Variants in CLDN12 observed in about 807,000 individuals in gnomAD.
CLDN12 encodes the protein claudin-12.
A neutral mutation model predicts 15.5 loss-of-function variants in CLDN12; 9 were observed. The observed-to-expected ratio is 0.58, with a 90% CI of 0.35 to 1.02. CLDN12 has a LOEUF of 1.02. CLDN12 is among the 50% of genes least tolerant of loss of function. The probability of loss-of-function intolerance (pLI) is 0.02; values close to 1 mark genes in which losing one functional copy is unlikely to be tolerated. For missense variants in CLDN12, 233 were observed against 297.3 expected (o/e 0.78, Z 1.59); for synonymous variants, 140 against 121.6 (o/e 1.15, Z -1.00).
chr7:90,415,825 C>CA lies in CLDN12; in HGVS notation c.*2417dup, dbSNP rs1451611393. The CA allele has an allele frequency of 1.8e-5, 3 of 167,134 alleles. No individual in the cohort carries two copies. The highest frequency in any genetic ancestry group is 7.2e-5 in the African/African-American group (3 of 41,574). 10.4% of individuals were successfully genotyped at this position (167,134 alleles called of 1,614,324 possible). On this transcript the variant is annotated 3_prime_UTR_variant, in exon 4 of 4. Transcript: ENST00000496677. The stretch of plus-strand genomic sequence containing the variant: ...GTTTATCCAGCCATGGGAGAGAAAA[C>CA]AAACCTAAGTTTACTTTACTTGTAC...
chr7:90,415,444 T>C lies in CLDN12; in HGVS notation c.*2033T>C, dbSNP rs2115909510. Reference sequence around the variant, plus strand: ...AAAGGTAGACTCAGTCTTTAAGATATTAGACAGTTTTTTTAGTCCATGGGA... The same window carrying C: ...AAAGGTAGACTCAGTCTTTAAGATACTAGACAGTTTTTTTAGTCCATGGGA... On this transcript the variant is annotated 3_prime_UTR_variant, in exon 4 of 4. Transcript: ENST00000496677. The C allele has an allele frequency of 6.0e-6, 1 of 167,016 alleles. No individual in the cohort carries two copies. Among genetic ancestry groups the C allele is most frequent in the South Asian group, 2.1e-4 (1 of 4,830 alleles). The allele number at this position is 167,016 out of a possible 1,614,324, so 10.3% of individuals were successfully genotyped here. A position where few individuals can be genotyped will look rare whatever the true frequency, so the allele number is the denominator to read the frequency against.
intron 2 of CLDN12, chr7:90,408,954 G>A (rs1257339885): frequency 6.6e-6 from 1 of 151,826 alleles, no homozygotes; most frequent in Admixed American, 6.6e-5. Context: ...TAGAGATGGG[G>A]TCTCGCTATG....
rs1248400932 is a variant in CLDN12 at position 90,405,520 on chromosome 7, C to T, written c.-165C>T. On this transcript the variant is annotated splice_region_variant and 5_prime_UTR_variant, in exon 2 of 4. Coordinates refer to ENST00000496677, the MANE Select transcript of CLDN12 (RefSeq NM_001185072.3). ...GGAGTATTTTTCCTATTTCTTTAGG[C>T]TCAGATTATTGCTACTCTGTATTCA... 2.0e-5 allele frequency: 3 copies of T among 152,258 alleles called. No individual in the cohort carries two copies. Among genetic ancestry groups the T allele is most frequent in the South Asian group, 4.1e-4 (2 of 4,832 alleles). The allele number at this position is 152,258 out of a possible 1,614,324, so 9.4% of individuals were successfully genotyped here.
Position 90,413,179 on chromosome 7 carries a change from T to C in CLDN12, c.503T>C (p.Val168Ala), listed in dbSNP as rs777274351. 9.9e-6 allele frequency: 16 copies of C among 1,614,212 alleles called. No homozygotes were observed. The highest frequency in any genetic ancestry group is 1.4e-5 in the Non-Finnish European group (16 of 1,180,028). ...NIHLNKKFEP[V>A]FSFDYAVYVT... is the part of the protein sequence containing the mutation. Reference sequence around the variant, plus strand: ...CATCTGAACAAGAAGTTTGAGCCAGTCTTTTCATTTGACTATGCAGTGTAT... The same window carrying C: ...CATCTGAACAAGAAGTTTGAGCCAGCCTTTTCATTTGACTATGCAGTGTAT... Residue 168 changes from valine to alanine, a missense_variant, in exon 4 of 4, where the codon GTC becomes GCC. Transcript: ENST00000496677.
At chr7:90,405,890 A>C (rs1248844034) in intron 2 of CLDN12, 1 of 152,258 alleles carries the variant, frequency 6.6e-6, no homozygotes. Context: ...CCTTGAGCCC[A>C]GGAGTTTGAG....
chr7:90,407,389 A>T (rs1035955742), intron 2 of CLDN12, among the ~76,000 whole-genome samples: 1 of 152,206 alleles, frequency 6.6e-6, no homozygotes, highest in Admixed American at 6.5e-5. Context: ...AGGAGAAAGC[A>T]GGGGCACAGT....
chr7:90,406,142 T>G (rs1796831720), intron 2 of CLDN12: 1 of 152,188 alleles, frequency 6.6e-6, no homozygotes, highest in African/African-American at 2.4e-5. Flanking sequence ...ATATGTACTC[T>G]CGTAACTCTT....
chr7:90,404,458 G>C lies in CLDN12; in HGVS notation c.-167+909G>C, dbSNP rs1018795878. ...TTTGAGATAAATGGTATTTGAAGAGGAAGTGGCTAATGTTTAAAGTAGATA... is the reference window on the plus strand; with the variant it reads ...TTTGAGATAAATGGTATTTGAAGAGCAAGTGGCTAATGTTTAAAGTAGATA... On this transcript the variant is annotated intron_variant, in intron 1 of 3. Coordinates refer to ENST00000496677, the MANE Select transcript of CLDN12 (RefSeq NM_001185072.3). Among the ~76,000 whole-genome samples, 8 of 152,202 alleles carry C rather than the reference G, an allele frequency of 5.3e-5. No individual in the cohort carries two copies. In the East Asian group the frequency reaches 5.8e-4, roughly 11 times the overall value.
chr7:90,408,970 C>T (rs1796899755), intron 2 of CLDN12: 1 of 151,766 alleles, frequency 6.6e-6, no homozygotes. Context: ...CTATGTTGCC[C>T]AATCTGGTCT....
chr7:90,414,816 A>T lies in CLDN12; in HGVS notation c.*1405A>T, dbSNP rs1380422565. 6.0e-6 allele frequency: 1 copy of T among 167,046 alleles called. No homozygotes were observed. Among genetic ancestry groups the T allele is most frequent in the Non-Finnish European group, 1.5e-5 (1 of 68,116 alleles). The allele number at this position is 167,046 out of a possible 1,614,324, so 10.3% of individuals were successfully genotyped here. Reference sequence around the variant, plus strand: ...AAGTATGATGATGTATTAAGGATGGAGGAGTTATTAAAAATGTCTCTTCTG... The same window carrying T: ...AAGTATGATGATGTATTAAGGATGGTGGAGTTATTAAAAATGTCTCTTCTG... On this transcript the variant is annotated 3_prime_UTR_variant, in exon 4 of 4. Transcript: ENST00000496677.
In CLDN12 at chr7:90,412,805, A is replaced by G; in HGVS notation, c.129A>G (p.Arg43=). 6.2e-7 allele frequency: 1 copy of G among 1,614,220 alleles called. No individual in the cohort carries two copies. The highest frequency in any genetic ancestry group is 2.2e-5 in the East Asian group (1 of 44,886). The part of the protein sequence containing the change: ...WRKLRLITFN[R]NEKNLTVYTG... Reference sequence around the variant, plus strand: ...AATTACGATTGATCACATTCAACAGAAACGAGAAGAACCTGACTGTTTACA... The same window carrying G: ...AATTACGATTGATCACATTCAACAGGAACGAGAAGAACCTGACTGTTTACA... Residue 43 remains arginine (R), a synonymous_variant, in exon 4 of 4, where the codon AGA becomes AGG. Coordinates refer to ENST00000496677, the MANE Select transcript of CLDN12 (RefSeq NM_001185072.3).
rs894169464 is a variant in CLDN12, at chr7:90,415,731, A to T, written c.*2320A>T. 6.0e-6 allele frequency: 1 copy of T among 167,062 alleles called. No homozygotes were observed. Among genetic ancestry groups the T allele is most frequent in the African/African-American group, 2.4e-5 (1 of 41,450 alleles). 10.3% of individuals were successfully genotyped at this position (167,062 alleles called of 1,614,324 possible). A position where few individuals can be genotyped will look rare whatever the true frequency, so the allele number is the denominator to read the frequency against. On this transcript the variant is annotated 3_prime_UTR_variant, in exon 4 of 4. Coordinates refer to ENST00000496677, the MANE Select transcript of CLDN12 (RefSeq NM_001185072.3). ...GATACCTTTTTGTTGTTAAAAGCCT[A>T]TTATTGTTAAAGGCCTTTTATGGAA...
chr7:90,412,913 C>T lies in CLDN12; in HGVS notation c.237C>T (p.Asp79=). The T allele has an allele frequency of 6.2e-7, 1 of 1,614,228 alleles. No homozygotes were observed. The highest frequency in any genetic ancestry group is 1.1e-5 in the South Asian group (1 of 91,080). ...MYDTTWYSSV[D]QLDLRVLQFA... is the part of the protein sequence containing the mutation. ...ACACTACTTGGTACTCATCAGTTGA[C>T]CAGCTGGACCTGCGTGTCCTCCAGT... The change falls in exon 4 of 4, where the codon GAC becomes GAT. Residue 79 remains aspartate (D), a synonymous_variant. Transcript: ENST00000496677.
chr7:90,415,239 T>C lies in CLDN12; in HGVS notation c.*1828T>C. ...TTCTGATTTCTTTCACTTCTGATCC[T>C]TTTCCTTTTTCTCAGATGTAGCTGA... On this transcript the variant is annotated 3_prime_UTR_variant, in exon 4 of 4. Transcript: ENST00000496677. 1 of 165,792 alleles carries C rather than the reference T, an allele frequency of 6.0e-6. No homozygotes were observed. The allele number at this position is 165,792 out of a possible 1,614,324, so 10.3% of individuals were successfully genotyped here. A position where few individuals can be genotyped will look rare whatever the true frequency, so the allele number is the denominator to read the frequency against.
rs1424520538 is a variant in CLDN12, at chr7:90,414,490, C to T, written c.*1079C>T. 4 of 700,906 alleles carry T rather than the reference C, an allele frequency of 5.7e-6. No individual in the cohort carries two copies. The highest frequency in any genetic ancestry group is 7.2e-6 in the Non-Finnish European group (4 of 556,864). 43.4% of individuals were successfully genotyped at this position (700,906 alleles called of 1,614,324 possible). A position where few individuals can be genotyped will look rare whatever the true frequency, so the allele number is the denominator to read the frequency against. On this transcript the variant is annotated 3_prime_UTR_variant, in exon 4 of 4. Transcript: ENST00000496677. ...TGAAAAGTATGAGATCTGGTTCCAT[C>T]CAGTAAGACATTTTAATAGAGAAGA...
In CLDN12 at chr7:90,413,258, T is replaced by C. The variant is rs776879207; in HGVS notation, c.582T>C (p.Ile194=). 1.5e-5 allele frequency: 25 copies of C among 1,614,104 alleles called. No homozygotes were observed. In the East Asian group the frequency reaches 5.6e-4, roughly 36 times the overall value. ...TTATGACTTCCCTTATACTATTTATTTGGTATTGTACATGCAAATCTTTGC... is the reference window on the plus strand; with the variant it reads ...TTATGACTTCCCTTATACTATTTATCTGGTATTGTACATGCAAATCTTTGC... The part of the protein sequence containing the change: ...GLFMTSLILF[I]WYCTCKSLPS... Residue 194 remains isoleucine (I), a synonymous_variant, in exon 4 of 4, where the codon ATT becomes ATC. Coordinates refer to ENST00000496677, the MANE Select transcript of CLDN12 (RefSeq NM_001185072.3).
intron 2 of CLDN12, 69 bp downstream of exon 2, chr7:90,405,677 T>G (rs1249477945): frequency 6.6e-6 from 1 of 152,082 alleles, no homozygotes; most frequent in Non-Finnish European, 1.5e-5. Context: ...CAATGACTCT[T>G]TTTTTTTCTC....
Position 90,414,772 on chromosome 7 carries a change from G to C in CLDN12, c.*1361G>C, listed in dbSNP as rs775641475. The C allele has an allele frequency of 6.0e-6, 1 of 167,048 alleles. No individual in the cohort carries two copies. Among genetic ancestry groups the C allele is most frequent in the Non-Finnish European group, 1.5e-5 (1 of 68,108 alleles). 10.3% of individuals were successfully genotyped at this position (167,048 alleles called of 1,614,324 possible). On this transcript the variant is annotated 3_prime_UTR_variant, in exon 4 of 4. Transcript: ENST00000496677. Reference sequence around the variant, plus strand: ...AATGGACAAAAGTGGTAGGGAAATTGTTCCCTCTCCACTTCTGAAAGTATG... The same window carrying C: ...AATGGACAAAAGTGGTAGGGAAATTCTTCCCTCTCCACTTCTGAAAGTATG...
chr7:90,410,421 TA>T (rs1796934103), intron 2 of CLDN12, among the ~76,000 whole-genome samples: 1 of 152,254 alleles, frequency 6.6e-6, no homozygotes, highest in Non-Finnish European at 1.5e-5. Flanking sequence ...TTGAGGGCTT[TA>T]AAAATGGTTA....
Sources: gnomAD v4.1 joint callset for allele counts (sites outside exome capture counted in the v4.1 genomes callset) on GRCh38, gnomAD v4.1.1 for gene constraint, MANE v1.5 for transcripts, NCBI Gene and HGNC (gene_info 2026-07-23, HGNC 2026-07-21) for gene names.